Variants in SUGCT observed in about 807,000 individuals in gnomAD.
SUGCT encodes the protein succinyl-CoA:glutarate-CoA transferase.
A neutral mutation model predicts 55.0 loss-of-function variants in SUGCT; 41 were observed. The ratio of observed to expected loss-of-function variants is 0.74; its 90% CI spans 0.58 to 0.97. SUGCT has a LOEUF of 0.97. Ranked by LOEUF, SUGCT falls within the 50% of genes least tolerant of loss-of-function variation. The probability of loss-of-function intolerance (pLI) is 0.00; values close to 1 mark genes in which losing one functional copy is unlikely to be tolerated. For missense variants in SUGCT, 568 were observed against 547.8 expected (o/e 1.04, Z -0.37); for synonymous variants, 187 against 200.4 (o/e 0.93, Z 0.56).
At chr7:41,037,449 A>G in the SUGCT span, among the ~76,000 whole-genome samples, 1 of 151,990 alleles carries the variant, frequency 6.6e-6, no homozygotes, top group African/African-American at 2.4e-5. Flanking sequence ...AAGATATATT[A>G]CATAATTCTC....
At chr7:40,386,612 T>A (rs556404806) in intron 9 of SUGCT, among the ~76,000 whole-genome samples, 37 of 152,350 alleles carry the variant, frequency 2.4e-4, no homozygotes, top group Admixed American at 4.6e-4. Flanking sequence ...TGATTCATTG[T>A]GACAACTGAG....
chr7:40,484,227 G>C (rs1791209052), intron 11 of SUGCT, among the ~76,000 whole-genome samples: 1 of 152,136 alleles, frequency 6.6e-6, no homozygotes, highest in Admixed American at 6.5e-5. Context: ...CTATGGGCCT[G>C]GAGTGTACAG....
chr7:40,205,497 C>T (rs745892482), intron 6 of SUGCT, among the ~76,000 whole-genome samples: 4 of 151,526 alleles, frequency 2.6e-5, no homozygotes, highest in Non-Finnish European at 4.4e-5. Context: ...CAAAATTAAC[C>T]GGGCATGGTG....
chr7:40,493,903 G>A (rs1356304720), intron 11 of SUGCT, among the ~76,000 whole-genome samples: 1 of 152,180 alleles, frequency 6.6e-6, no homozygotes, highest in African/African-American at 2.4e-5. Context: ...GCAGTGGAAT[G>A]CAACGATGTT....
At chr7:40,456,892 G>A (rs1313361890) in intron 10 of SUGCT, among the ~76,000 whole-genome samples, 4 of 152,056 alleles carry the variant, frequency 2.6e-5, no homozygotes, top group Non-Finnish European at 4.4e-5. Flanking sequence ...AGGTAATAGC[G>A]CCATATTGTG....
At chr7:40,241,817 G>A (rs1789412714) in intron 7 of SUGCT, among the ~76,000 whole-genome samples, 1 of 151,682 alleles carries the variant, frequency 6.6e-6, no homozygotes. Flanking sequence ...CTACTTGGGA[G>A]GCTGAGGCAG....
At chr7:40,641,380 G>C (rs1800263340) in intron 12 of SUGCT, among the ~76,000 whole-genome samples, 1 of 152,160 alleles carries the variant, frequency 6.6e-6, no homozygotes, top group African/African-American at 2.4e-5. Flanking sequence ...AATGAAGTTT[G>C]CATTTAATGC....
intron 7 of SUGCT, among the ~76,000 whole-genome samples, chr7:40,268,609 C>CT (rs1215028817): frequency 6.6e-6 from 1 of 151,864 alleles, no homozygotes; most frequent in Non-Finnish European, 1.5e-5. Context: ...AAATTTGTGT[C>CT]TAAGCTTTTT....
At chr7:40,476,700 T>G (rs925870987) in intron 11 of SUGCT, among the ~76,000 whole-genome samples, 7 of 152,118 alleles carry the variant, frequency 4.6e-5, no homozygotes, top group Admixed American at 6.6e-5. Context: ...AAAATTTTTA[T>G]TGTTATTAGA....
At chr7:40,879,971 C>T in the SUGCT span, among the ~76,000 whole-genome samples, 2 of 152,178 alleles carry the variant, frequency 1.3e-5, no homozygotes, top group Non-Finnish European at 2.9e-5. Context: ...CCAGTCAACA[C>T]CAATGGGACA....
chr7:40,392,480 C>T (rs1341128764), intron 9 of SUGCT, among the ~76,000 whole-genome samples: 1 of 151,910 alleles, frequency 6.6e-6, no homozygotes, highest in Non-Finnish European at 1.5e-5. Flanking sequence ...AAATGAATTC[C>T]AGGTAGAGGG....
chr7:40,150,342 C>T (rs760594650), intron 1 of SUGCT, among the ~76,000 whole-genome samples: 112 of 152,298 alleles, frequency 7.4e-4, no homozygotes, highest in Non-Finnish European at 1.4e-3. Flanking sequence ...GGCTCACTGG[C>T]TCCCCCAGTC....
intron 1 of SUGCT, among the ~76,000 whole-genome samples, chr7:40,168,026 G>A (rs1784500489): frequency 2.0e-5 from 3 of 152,180 alleles, no homozygotes; most frequent in Non-Finnish European, 2.9e-5. Context: ...TGTGCTCTCA[G>A]GCGATATATG....
At chr7:40,690,962 T>A (rs1784670404) in intron 12 of SUGCT, among the ~76,000 whole-genome samples, 1 of 152,214 alleles carries the variant, frequency 6.6e-6, no homozygotes, top group Admixed American at 6.5e-5. Context: ...AAGGTCTGGT[T>A]CTTCTCCAGA....
At chr7:40,358,715 A>G (rs1026995017) in intron 9 of SUGCT, among the ~76,000 whole-genome samples, 2 of 130,630 alleles carry the variant, frequency 1.5e-5, no homozygotes, top group Non-Finnish European at 3.2e-5. Context: ...ACTCCATCTC[A>G]AAAACAACAA....
chr7:40,236,305 G>C (rs116095998), intron 6 of SUGCT, among the ~76,000 whole-genome samples: 2,458 of 151,600 alleles, frequency 0.016, 56 homozygotes, highest in African/African-American at 0.057. Context: ...TGATCCTCCC[G>C]CCTCCCAAAG....
At chr7:41,031,399 T>C in the SUGCT span, among the ~76,000 whole-genome samples, 5 of 152,202 alleles carry the variant, frequency 3.3e-5, no homozygotes, top group African/African-American at 9.6e-5. Flanking sequence ...ATCTGTTTTC[T>C]ACCCAGTTGC....
At chr7:40,383,055 A>G (rs1162843702) in intron 9 of SUGCT, among the ~76,000 whole-genome samples, 1 of 152,206 alleles carries the variant, frequency 6.6e-6, no homozygotes, top group Non-Finnish European at 1.5e-5. Flanking sequence ...GTGGAGATTT[A>G]TGGTGCTATA....
the SUGCT span, among the ~76,000 whole-genome samples, chr7:41,008,824 A>G: frequency 6.6e-6 from 1 of 152,074 alleles, no homozygotes; most frequent in African/African-American, 2.4e-5. Context: ...GGCAGGATGC[A>G]GTGGTGCTTG....
Sources: gnomAD v4.1 joint callset for allele counts (sites outside exome capture counted in the v4.1 genomes callset) on GRCh38, gnomAD v4.1.1 for gene constraint, MANE v1.5 for transcripts, NCBI Gene and HGNC (gene_info 2026-07-23, HGNC 2026-07-21) for gene names.